IFT22: variants seen among roughly 807,000 people sequenced by gnomAD.
IFT22 encodes the protein intraflagellar transport 22.
A neutral mutation model predicts 21.0 loss-of-function variants in IFT22; 13 were observed. The ratio of observed to expected loss-of-function variants is 0.62; its 90% CI spans 0.40 to 0.98. The LOEUF is 0.98. IFT22 is among the 50% of genes least tolerant of loss of function. The probability of loss-of-function intolerance (pLI) is 0.00; values close to 1 mark genes in which losing one functional copy is unlikely to be tolerated. For missense variants in IFT22, 227 were observed against 228.9 expected (o/e 0.99, Z 0.06); for synonymous variants, 67 against 82.4 (o/e 0.81, Z 1.01).
rs376870854 is a variant in IFT22, at chr7:101,315,120, C to T, written c.*14G>A. Reference sequence around the variant, plus strand: ...GATTTCACTGGGGATGTGGCAGTCCCAGGTGAAGGCTGGCTAGGTCATAAT... The same window carrying T: ...GATTTCACTGGGGATGTGGCAGTCCTAGGTGAAGGCTGGCTAGGTCATAAT... On this transcript the variant is annotated 3_prime_UTR_variant, in exon 5 of 5. Transcript: ENST00000315322. 17 of 1,610,992 alleles carry T rather than the reference C, an allele frequency of 1.1e-5. No individual in the cohort carries two copies. The African/African-American group carries it at 2.3e-4, about 22-fold the overall frequency.
At position 101,311,965 on chromosome 7, in the gene IFT22, A is replaced by C. The variant is rs1482041851; in HGVS notation, c.*3169T>G. Among the ~76,000 whole-genome samples, 1 of 152,112 alleles carries C rather than the reference A, an allele frequency of 6.6e-6. No individual in the cohort carries two copies. The highest frequency in any genetic ancestry group is 1.9e-4 in the East Asian group (1 of 5,190). Reference sequence around the variant, plus strand: ...GGAGATTGCAGTGAGACTCTCAAAAAAACAAAACAACACAAAAAAATCTCC... The same window carrying C: ...GGAGATTGCAGTGAGACTCTCAAAACAACAAAACAACACAAAAAAATCTCC... On this transcript the variant is annotated 3_prime_UTR_variant, in exon 5 of 5. Transcript: ENST00000315322.
At chr7:101,315,431 C>T (rs1584308746) in intron 4 of IFT22, 149 bp from the exon 5 acceptor site, 1 of 794,060 alleles carries the variant, frequency 1.3e-6, no homozygotes, top group Non-Finnish European at 2.0e-6. Context: ...AATGGGTTTG[C>T]TATACTGCCC....
intron 1 of IFT22, among the ~76,000 whole-genome samples, chr7:101,319,740 C>A (rs1455395161): frequency 6.9e-6 from 1 of 143,956 alleles, no homozygotes; most frequent in African/African-American, 2.6e-5. Context: ...ATCTGTAGGG[C>A]TCCAGTGATC....
In IFT22 at chr7:101,321,534, G is replaced by A. The variant is rs534533400; in HGVS notation, c.39+137C>T. The stretch of plus-strand genomic sequence containing the variant: ...CCGAGTTCACGGAAAGGGCAGGGGC[G>A]CCAGTCGGGATGGGCGCGGTGGGCC... On this transcript the variant is annotated intron_variant, in intron 1 of 4. Coordinates refer to ENST00000315322, the MANE Select transcript of IFT22 (RefSeq NM_022777.4). 10 of 810,816 alleles carry A rather than the reference G, an allele frequency of 1.2e-5. No homozygotes were observed. In the African/African-American group the frequency reaches 1.6e-4, roughly 13 times the overall value. The allele number at this position is 810,816 out of a possible 1,614,324, so 50.2% of individuals were successfully genotyped here.
rs1215717196 is a variant in IFT22 at position 101,311,460 on chromosome 7, T to TAACA, written c.*3673_*3674insTGTT. The stretch of plus-strand genomic sequence containing the variant: ...GCATGGTAATCCTAACAGGTGAATG[T>TAACA]GGTTCAAACTAAATTGCCAGGGAAT... On this transcript the variant is annotated 3_prime_UTR_variant, in exon 5 of 5. Transcript: ENST00000315322. Among the ~76,000 whole-genome samples, 6 of 152,176 alleles carry TAACA rather than the reference T, an allele frequency of 3.9e-5. No homozygotes were observed. Among genetic ancestry groups the TAACA allele is most frequent in the Admixed American group, 3.9e-4 (6 of 15,258 alleles).
rs1215599882 is a variant in IFT22, at chr7:101,312,205, A to G, written c.*2929T>C. ...GATCACTCAAGGACAGGAGTTCGAGATCAGCTGGGGCAACATGGCAAAACC... is the reference window on the plus strand; with the variant it reads ...GATCACTCAAGGACAGGAGTTCGAGGTCAGCTGGGGCAACATGGCAAAACC... On this transcript the variant is annotated 3_prime_UTR_variant, in exon 5 of 5. Transcript: ENST00000315322. Among the ~76,000 whole-genome samples, 1 of 152,100 alleles carries G rather than the reference A, an allele frequency of 6.6e-6. No individual in the cohort carries two copies. The highest frequency in any genetic ancestry group is 1.5e-5 in the Non-Finnish European group (1 of 68,022).
intron 1 of IFT22, among the ~76,000 whole-genome samples, chr7:101,319,410 T>C (rs1320992362): frequency 2.0e-5 from 3 of 151,688 alleles, no homozygotes; most frequent in East Asian, 2.0e-4. Flanking sequence ...GTAGTAGAAA[T>C]TGGGGTTTCA....
At chr7:101,321,529 G>A (rs1231891649) in intron 1 of IFT22, 142 bp downstream of exon 1, 1 of 772,530 alleles carries the variant, frequency 1.3e-6, no homozygotes, top group Non-Finnish European at 2.1e-6. Flanking sequence ...GGAAAGGGCA[G>A]GGGCGCCAGT....
At chr7:101,318,485 A>C (rs1367363537) in intron 2 of IFT22, 2 of 322,884 alleles carry the variant, frequency 6.2e-6, no homozygotes, top group Non-Finnish European at 1.2e-5. Context: ...GTGCCACCAC[A>C]CTCCAGCCTC....
chr7:101,316,158 C>G, intron 4 of IFT22, 182 bp downstream of exon 4: 1 of 599,942 alleles, frequency 1.7e-6, no homozygotes, highest in Middle Eastern at 4.5e-4. Flanking sequence ...GCCATCATGC[C>G]TGGCTAATTT....
Position 101,319,042 on chromosome 7 carries a change from T to G in IFT22, c.40-10A>C, listed in dbSNP as rs371974011. On this transcript the variant is annotated splice_polypyrimidine_tract_variant and intron_variant, in intron 1 of 4. Transcript: ENST00000315322. ...AAACAGTTTTTCCACTCTGTGAAAATGAGTGCAAATAAAGGTCTTTGCTGA... is the reference window on the plus strand; with the variant it reads ...AAACAGTTTTTCCACTCTGTGAAAAGGAGTGCAAATAAAGGTCTTTGCTGA... 1.4e-4 allele frequency: 232 copies of G among 1,613,246 alleles called. No individual in the cohort carries two copies. The highest frequency in any genetic ancestry group is 1.9e-4 in the Non-Finnish European group (225 of 1,179,602).
At position 101,314,059 on chromosome 7, in the gene IFT22, G is replaced by A. The variant is rs1274247685; in HGVS notation, c.*1075C>T. 6.6e-6 allele frequency: 1 copy of A among 152,206 alleles called. No homozygotes were observed. Among genetic ancestry groups the A allele is most frequent in the Non-Finnish European group, 1.5e-5 (1 of 68,140 alleles). The allele number at this position is 152,206 out of a possible 1,614,324, so 9.4% of individuals were successfully genotyped here. On this transcript the variant is annotated 3_prime_UTR_variant, in exon 5 of 5. Coordinates refer to ENST00000315322, the MANE Select transcript of IFT22 (RefSeq NM_022777.4). ...TTTAGTAGAGATGGGATTTTGCCAT[G>A]TTGGCCAGGCTGGTCTTGAACTCCT...
chr7:101,315,481 GTCT>G (rs771799246), intron 4 of IFT22, 199 bp from the exon 5 acceptor site: 19 of 600,658 alleles, frequency 3.2e-5, no homozygotes, highest in African/African-American at 5.6e-5. Context: ...CACTTTCCAG[GTCT>G]TCTGTTCTTA....
rs1331812892 is a variant in IFT22, at chr7:101,315,277, G to A, written c.415C>T (p.Pro139Ser). The A allele has an allele frequency of 6.2e-7, 1 of 1,614,076 alleles. No homozygotes were observed. The highest frequency in any genetic ancestry group is 1.7e-5 in the Admixed American group (1 of 60,002). ...DDKGSLSLSP[P>S]LNKLKLVHSN... Reference sequence around the variant, plus strand: ...TGCACCAGCTTCAGCTTGTTCAAGGGTGGCGCTTGAAAATGAAGATAAGGT... The same window carrying A: ...TGCACCAGCTTCAGCTTGTTCAAGGATGGCGCTTGAAAATGAAGATAAGGT... Residue 139 changes from proline to serine, a missense_variant, in exon 5 of 5, where the codon CCC becomes TCC. Coordinates refer to ENST00000315322, the MANE Select transcript of IFT22 (RefSeq NM_022777.4).
rs1790097961 is a variant in IFT22, at chr7:101,314,973, C to T, written c.*161G>A. On this transcript the variant is annotated 3_prime_UTR_variant, in exon 5 of 5. Coordinates refer to ENST00000315322, the MANE Select transcript of IFT22 (RefSeq NM_022777.4). ...GAACTCAGGGCAGAGCACAGATGGT[C>T]TGAGTGAACGCCCTGTGTGACAGGT... 2.8e-6 allele frequency: 2 copies of T among 703,986 alleles called. No homozygotes were observed. Among genetic ancestry groups the T allele is most frequent in the Non-Finnish European group, 4.6e-6 (2 of 434,380 alleles). 43.6% of individuals were successfully genotyped at this position (703,986 alleles called of 1,614,324 possible).
At position 101,315,282 on chromosome 7, in the gene IFT22, G is replaced by A. The variant is rs369051540; in HGVS notation, c.410C>T (p.Ser137Leu). The change falls in exon 5 of 5, where the codon TCG becomes TTG. Residue 137 changes from serine to leucine, a missense_variant and splice_region_variant. Physicochemically the swap from Ser to Leu is moderately radical, Grantham distance 145. Coordinates refer to ENST00000315322, the MANE Select transcript of IFT22 (RefSeq NM_022777.4). ...SGDDKGSLSLSPPLNKLKLVH... is the reference protein window; with the variant it reads ...SGDDKGSLSLLPPLNKLKLVH... ...CAGCTTCAGCTTGTTCAAGGGTGGC[G>A]CTTGAAAATGAAGATAAGGTTAATT... 26 of 1,613,920 alleles carry A rather than the reference G, an allele frequency of 1.6e-5. No homozygotes were observed. The East Asian group carries it at 2.0e-4, about 12-fold the overall frequency.
chr7:101,318,169 C>A lies in IFT22; in HGVS notation c.161G>T (p.Gly54Val). Residue 54 changes from glycine (G) to valine (V), a missense_variant, in exon 3 of 5, where the codon GGC (glycine) becomes GTC (valine). By Grantham distance (109) the Gly-to-Val change is moderately radical (BLOSUM62 -3). Coordinates refer to ENST00000315322, the MANE Select transcript of IFT22 (RefSeq NM_022777.4). The part of the protein sequence containing the change: ...ENPHVTSNNK[G>V]TGCEFELWDC... ...CCATAGCTCGAATTCACAGCCCGTG[C>A]CTTTGTTGTTGCTGGTAACATGCGG... 6.2e-7 allele frequency: 1 copy of A among 1,613,592 alleles called. No homozygotes were observed. Among genetic ancestry groups the A allele is most frequent in the East Asian group, 2.2e-5 (1 of 44,858 alleles).
Position 101,321,227 on chromosome 7 carries a change from G to A in IFT22, c.39+444C>T, listed in dbSNP as rs532619537. Among the ~76,000 whole-genome samples the A allele has an allele frequency of 1.2e-4, 18 of 152,292 alleles. No individual in the cohort carries two copies. In the South Asian group the frequency reaches 3.1e-3, roughly 26 times the overall value. On this transcript the variant is annotated intron_variant, in intron 1 of 4. Transcript: ENST00000315322. Reference sequence around the variant, plus strand: ...AGTCCCAGGTACTCAGGAGGCTGAGGCAGGAGGACTGCTTGAGCCCAGGGA... The same window carrying A: ...AGTCCCAGGTACTCAGGAGGCTGAGACAGGAGGACTGCTTGAGCCCAGGGA...
Position 101,311,530 on chromosome 7 carries a change from C to T in IFT22, c.*3604G>A, listed in dbSNP as rs989668784. ...CACTCTCTCCAGTAGACTGCTCACA[C>T]AGCTACATGTCAGCCCTCCTCACTG... On this transcript the variant is annotated 3_prime_UTR_variant, in exon 5 of 5. Transcript: ENST00000315322. 1.5e-4 allele frequency among the ~76,000 whole-genome samples: 23 copies of T among 152,224 alleles called. No homozygotes were observed. Among genetic ancestry groups the T allele is most frequent in the Non-Finnish European group, 1.0e-4 (7 of 68,044 alleles).
Sources: gnomAD v4.1 joint callset for allele counts (sites outside exome capture counted in the v4.1 genomes callset) on GRCh38, gnomAD v4.1.1 for gene constraint, MANE v1.5 for transcripts, NCBI Gene and HGNC (gene_info 2026-07-23, HGNC 2026-07-21) for gene names.